ABCD2: variants seen among roughly 807,000 people sequenced by gnomAD.
ABCD2 encodes the protein ATP binding cassette subfamily D member 2.
A neutral mutation model predicts 70.9 loss-of-function variants in ABCD2; 36 were observed. The ratio of observed to expected loss-of-function variants is 0.51; its 90% CI spans 0.39 to 0.67. The LOEUF is 0.67. Ranked by LOEUF, ABCD2 falls within the 30% of genes least tolerant of loss-of-function variation. The probability of loss-of-function intolerance (pLI) is 0.00; values close to 1 mark genes in which losing one functional copy is unlikely to be tolerated. For synonymous variants in ABCD2, 304 were observed against 306.9 expected (o/e 0.99, Z 0.10); for missense variants, 729 against 890.2 (o/e 0.82, Z 2.30).
the ABCD2 span, among the ~76,000 whole-genome samples, chr12:39,543,298 G>A: frequency 6.6e-6 from 1 of 152,110 alleles, no homozygotes; most frequent in African/African-American, 2.4e-5. Context: ...CGTGACATTT[G>A]GACCCTTGGT....
intron 5 of ABCD2, among the ~76,000 whole-genome samples, chr12:39,602,745 AAG>A (rs1450449942): frequency 6.6e-6 from 1 of 152,168 alleles, no homozygotes; most frequent in Non-Finnish European, 1.5e-5. Flanking sequence ...TTTCTGCAGA[AAG>A]AGTGTGATAT....
intron 9 of ABCD2, among the ~76,000 whole-genome samples, chr12:39,573,266 C>G (rs1941472759): frequency 6.6e-6 from 1 of 151,996 alleles, no homozygotes; most frequent in Non-Finnish European, 1.5e-5. Context: ...TTTAAACCAA[C>G]TAAAAATAAG....
At chr12:39,612,410 G>T (rs904107902) in intron 2 of ABCD2, among the ~76,000 whole-genome samples, 4 of 152,110 alleles carry the variant, frequency 2.6e-5, no homozygotes, top group Admixed American at 2.6e-4. Context: ...AATATGCTAT[G>T]GTTATACTCA....
intron 4 of ABCD2, among the ~76,000 whole-genome samples, chr12:39,604,498 AC>A (rs1315610988): frequency 6.6e-6 from 1 of 152,098 alleles, no homozygotes; most frequent in Non-Finnish European, 1.5e-5. Flanking sequence ...TTAAAAGCAA[AC>A]GATTCATTAT....
intron 9 of ABCD2, among the ~76,000 whole-genome samples, chr12:39,565,838 AG>A (rs1308101623): frequency 2.0e-5 from 3 of 152,168 alleles, no homozygotes; most frequent in Admixed American, 1.3e-4. Context: ...TTTAGCATGA[AG>A]GGTTGTTGAA....
intron 9 of ABCD2, among the ~76,000 whole-genome samples, chr12:39,567,352 T>C (rs1201351065): frequency 6.6e-6 from 1 of 152,240 alleles, no homozygotes; most frequent in African/African-American, 2.4e-5. Flanking sequence ...TAGTTAGCTC[T>C]TCTTGTTGAA....
At chr12:39,562,176 G>T (rs1456649786) in intron 9 of ABCD2, among the ~76,000 whole-genome samples, 1 of 151,952 alleles carries the variant, frequency 6.6e-6, no homozygotes, top group Non-Finnish European at 1.5e-5. Flanking sequence ...CAAATCTGTA[G>T]AATACAGCAA....
At chr12:39,564,086 A>G (rs1023667302) in intron 9 of ABCD2, among the ~76,000 whole-genome samples, 1 of 152,162 alleles carries the variant, frequency 6.6e-6, no homozygotes, top group Non-Finnish European at 1.5e-5. Context: ...CACAATAAAC[A>G]TATGTGTGCA....
chr12:39,541,912 C>T, the ABCD2 span, among the ~76,000 whole-genome samples: 1 of 152,046 alleles, frequency 6.6e-6, no homozygotes, highest in Non-Finnish European at 1.5e-5. Context: ...CAATATGATC[C>T]TATCTGTATA....
chr12:39,541,475 A>G, the ABCD2 span, among the ~76,000 whole-genome samples: 1 of 152,260 alleles, frequency 6.6e-6, no homozygotes, highest in Non-Finnish European at 1.5e-5. Flanking sequence ...CCTGAAGCAC[A>G]GAAAGTGTGC....
chr12:39,619,385 C>T lies in ABCD2; in HGVS notation c.231G>A (p.Ser77=), dbSNP rs1260439640. The T allele has an allele frequency of 5.6e-6, 9 of 1,613,672 alleles. No homozygotes were observed. The highest frequency in any genetic ancestry group is 7.6e-6 in the Non-Finnish European group (9 of 1,179,966). Residue 77 remains serine, a synonymous_variant, in exon 1 of 10, where the codon TCG becomes TCA. Transcript: ENST00000308666. ...TGAAGAAATCTGCATTCACTCCAGG[C>T]GAAGGTTTTTCACAAATGGTCTCGG... ...HCTETICEKP[S]PGVNADFFKQ...
chr12:39,604,777 T>C lies in ABCD2; in HGVS notation c.1390A>G (p.Thr464Ala). ...GAKVELPLSD[T>A]LAIKGKVIDV... Reference sequence around the variant, plus strand: ...AGTTTAATACCTTTAATTGCCAATGTGTCACTGAGAGGTAATTCTACCTTA... The same window carrying C: ...AGTTTAATACCTTTAATTGCCAATGCGTCACTGAGAGGTAATTCTACCTTA... Residue 464 changes from threonine to alanine, a missense_variant, in exon 4 of 10, where the codon ACA becomes GCA. Thr to Ala is a moderately conservative substitution (Grantham distance 58). Coordinates refer to ENST00000308666, the MANE Select transcript of ABCD2 (RefSeq NM_005164.4). 6.3e-7 allele frequency: 1 copy of C among 1,597,540 alleles called. No homozygotes were observed. Among genetic ancestry groups the C allele is most frequent in the East Asian group, 2.2e-5 (1 of 44,604 alleles).
chr12:39,541,509 A>G, the ABCD2 span, among the ~76,000 whole-genome samples: 1 of 152,230 alleles, frequency 6.6e-6, no homozygotes, highest in Non-Finnish European at 1.5e-5. Flanking sequence ...TTGAGGAGAA[A>G]GGAATTCAGA....
chr12:39,612,890 C>G (rs1942063871), intron 2 of ABCD2, among the ~76,000 whole-genome samples: 1 of 152,168 alleles, frequency 6.6e-6, no homozygotes, highest in South Asian at 2.1e-4. Context: ...CTTTCAGTTA[C>G]TCCTGATATC....
chr12:39,609,971 T>C (rs909891111), intron 2 of ABCD2, among the ~76,000 whole-genome samples: 1 of 152,232 alleles, frequency 6.6e-6, no homozygotes, highest in African/African-American at 2.4e-5. Flanking sequence ...TAAACAATTA[T>C]GTAGGGAAGC....
intron 9 of ABCD2, among the ~76,000 whole-genome samples, chr12:39,563,761 T>C (rs905588997): frequency 4.3e-4 from 65 of 152,320 alleles, no homozygotes; most frequent in African/African-American, 1.5e-3. Context: ...TATCTCCTAA[T>C]GCTATCCCTC....
chr12:39,557,429 A>G (rs1029696395), intron 9 of ABCD2, among the ~76,000 whole-genome samples: 1 of 152,256 alleles, frequency 6.6e-6, no homozygotes, highest in African/African-American at 2.4e-5. Flanking sequence ...AAAGGAAAGC[A>G]GAGCATAAAA....
At chr12:39,584,681 T>C (rs1286338797) in intron 7 of ABCD2, among the ~76,000 whole-genome samples, 1 of 152,104 alleles carries the variant, frequency 6.6e-6, no homozygotes, top group Admixed American at 6.6e-5. Flanking sequence ...ATCCATCTTG[T>C]GTTGATTTTT....
the ABCD2 span, among the ~76,000 whole-genome samples, chr12:39,531,617 C>T: frequency 6.6e-6 from 1 of 152,224 alleles, no homozygotes. Context: ...AAACCTTTTA[C>T]ATTATAAAGA....
Sources: allele counts gnomAD v4.1 joint callset (sites outside exome capture counted in the v4.1 genomes callset), GRCh38; gene constraint gnomAD v4.1.1; transcripts MANE v1.5; gene names NCBI Gene and HGNC (gene_info 2026-07-23, HGNC 2026-07-21).